KIAA0513: variants seen among roughly 807,000 people sequenced by gnomAD.
The protein encoded by KIAA0513 is KIAA0513, also known as uncharacterized protein KIAA0513.
Under a neutral mutation model 56.5 loss-of-function variants are expected in KIAA0513, and 39 were observed. The observed-to-expected ratio is 0.69, with a 90% CI of 0.53 to 0.90. The LOEUF (loss-of-function observed/expected upper bound fraction) is 0.90. KIAA0513 is among the 40% of genes least tolerant of loss of function. KIAA0513 has a pLI of 0.00. For synonymous variants in KIAA0513, 268 were observed against 215.6 expected, an observed-to-expected ratio of 1.24 and a Z score of -2.13; for missense variants, 591 against 535.2, an observed-to-expected ratio of 1.10 and a Z score of -1.03.
chr16:85,080,671 A>G (rs971558246), intron 8 of KIAA0513, among the ~76,000 whole-genome samples: 1 of 152,112 alleles, frequency 6.6e-6, no homozygotes, highest in Non-Finnish European at 1.5e-5. Flanking sequence ...GCGCATGCCT[A>G]TAATCCCAGC....
chr16:85,052,344 C>G (rs62049860), intron 1 of KIAA0513, among the ~76,000 whole-genome samples: 2 of 131,854 alleles, frequency 1.5e-5, no homozygotes, highest in Non-Finnish European at 1.6e-5. Flanking sequence ...ACAACAACAA[C>G]AATAGCAACA....
intron 1 of KIAA0513, among the ~76,000 whole-genome samples, chr16:85,028,130 G>A (rs1234339305): frequency 6.6e-6 from 1 of 152,222 alleles, no homozygotes; most frequent in East Asian, 1.9e-4. Flanking sequence ...CGGGCGGAGG[G>A]GCAGTGCGGA....
chr16:85,060,905 G>C (rs964720782), intron 1 of KIAA0513, among the ~76,000 whole-genome samples: 1 of 151,250 alleles, frequency 6.6e-6, no homozygotes, highest in Non-Finnish European at 1.5e-5. Context: ...TGTAATCCTA[G>C]CACTTTGGGA....
At chr16:85,033,462 A>G (rs2072994106) in intron 1 of KIAA0513, among the ~76,000 whole-genome samples, 2 of 152,228 alleles carry the variant, frequency 1.3e-5, no homozygotes, top group African/African-American at 4.8e-5. Flanking sequence ...GCAGTGAAAT[A>G]AATGGCGCGG....
chr16:85,064,017 T>TA (rs1229093065), intron 1 of KIAA0513, among the ~76,000 whole-genome samples: 1 of 149,464 alleles, frequency 6.7e-6, no homozygotes, highest in Non-Finnish European at 1.5e-5. Flanking sequence ...TTTTTTTTTT[T>TA]TTTTTTGAGG....
At chr16:85,058,351 T>A (rs13335706) in intron 1 of KIAA0513, among the ~76,000 whole-genome samples, 22,796 of 152,112 alleles carry the variant, frequency 0.15, 3,020 homozygotes, top group African/African-American at 0.36. Flanking sequence ...TTTGAGAGTC[T>A]TTTAAAGAAA....
intron 6 of KIAA0513, among the ~76,000 whole-genome samples, 200 bp downstream of exon 6, chr16:85,077,832 TG>T (rs2073681544): frequency 6.6e-6 from 1 of 152,130 alleles, no homozygotes; most frequent in Non-Finnish European, 1.5e-5. Context: ...GGGATGTCCC[TG>T]GGGGCCACAC....
Position 85,077,637 on chromosome 16 carries a change from G to C in KIAA0513, c.782+5G>C. The C allele has an allele frequency of 1.2e-6, 2 of 1,600,580 alleles. No individual in the cohort carries two copies. Among genetic ancestry groups the C allele is most frequent in the South Asian group, 1.1e-5 (1 of 89,476 alleles). On this transcript the variant is annotated splice_donor_5th_base_variant and intron_variant, in intron 6 of 12. Coordinates refer to ENST00000683363, the MANE Select transcript of KIAA0513 (RefSeq NM_001388359.1). ...GCCCCTGGCCAGGAGGAACGAGTAC[G>C]TGTGGCCTTGGGGTCCCTCCCACCT...
rs1403379227 is a variant in KIAA0513 at position 85,071,669 on chromosome 16, G to C, written c.330-114G>C. On this transcript the variant is annotated intron_variant, in intron 2 of 12. Transcript: ENST00000683363. The stretch of plus-strand genomic sequence containing the variant: ...GATGAGCTGATGGGAGTTGGGGTCT[G>C]TGCTTGGCTGGGGAATATTTCGTTA... The C allele has an allele frequency of 4.7e-6, 4 of 843,958 alleles. No homozygotes were observed. In the African/African-American group the frequency reaches 6.9e-5, roughly 15 times the overall value. 52.3% of individuals were successfully genotyped at this position (843,958 alleles called of 1,614,324 possible).
At chr16:85,063,707 A>G (rs778367159) in intron 1 of KIAA0513, 1 of 152,148 alleles carries the variant, frequency 6.6e-6, no homozygotes, top group African/African-American at 2.4e-5. Flanking sequence ...ATAATGAACA[A>G]AATGAAAGAG....
At chr16:85,085,849 A>C (rs528987793) in intron 10 of KIAA0513, among the ~76,000 whole-genome samples, 2 of 152,204 alleles carry the variant, frequency 1.3e-5, no homozygotes, top group African/African-American at 4.8e-5. Flanking sequence ...AGCTCGTGCA[A>C]ACCTCGGCCG....
chr16:85,081,213 A>G lies in KIAA0513; in HGVS notation c.903-102A>G. 1 of 1,028,294 alleles carries G rather than the reference A, an allele frequency of 9.7e-7. No homozygotes were observed. Among genetic ancestry groups the G allele is most frequent in the Non-Finnish European group, 1.5e-6 (1 of 653,300 alleles). 63.7% of individuals were successfully genotyped at this position (1,028,294 alleles called of 1,614,324 possible). A position where few individuals can be genotyped will look rare whatever the true frequency, so the allele number is the denominator to read the frequency against. The stretch of plus-strand genomic sequence containing the variant: ...TCTCTGAGACTTCTTAGAAGCTCAG[A>G]CAGATGTGAGACACTGCCCTTGTTT... On this transcript the variant is annotated intron_variant, in intron 8 of 12. Transcript: ENST00000683363. The surrounding 1 kb of genome is among the most constrained non-coding windows in gnomAD (Gnocchi z 4.4).
chr16:85,048,149 C>T (rs1018198181), intron 1 of KIAA0513, among the ~76,000 whole-genome samples: 2 of 152,162 alleles, frequency 1.3e-5, no homozygotes, highest in African/African-American at 2.4e-5. Context: ...TGAGCAGAAG[C>T]GCCTGATATG....
rs2073655605 is a variant in KIAA0513, at chr16:85,076,361, A to G, written c.574+447A>G. 1.3e-5 allele frequency among the ~76,000 whole-genome samples: 2 copies of G among 152,122 alleles called. No individual in the cohort carries two copies. Among genetic ancestry groups the G allele is most frequent in the South Asian group, 2.1e-4 (1 of 4,820 alleles). On this transcript the variant is annotated intron_variant, in intron 5 of 12. Transcript: ENST00000683363. The surrounding 1 kb of genome is among the most constrained non-coding windows in gnomAD (Gnocchi z 4.7). The stretch of plus-strand genomic sequence containing the variant: ...GAGAGTTCCCAGGGATGGGCTGGAG[A>G]TGGCTTATGAGGAGTGCGGACTGTG...
chr16:85,071,478 G>C (rs1470903947), intron 2 of KIAA0513, among the ~76,000 whole-genome samples: 2 of 152,228 alleles, frequency 1.3e-5, no homozygotes, highest in Non-Finnish European at 2.9e-5. Context: ...GACCTCCCCA[G>C]GCAGGGGTCA....
In KIAA0513 at chr16:85,076,662, G is replaced by A. The variant is rs542316646; in HGVS notation, c.574+748G>A. On this transcript the variant is annotated intron_variant, in intron 5 of 12. Coordinates refer to ENST00000683363, the MANE Select transcript of KIAA0513 (RefSeq NM_001388359.1). This position sits in a 1 kb window ranked among gnomAD's most constrained non-coding sequence, Gnocchi z 4.7. ...TCCCCCTCCCACAGCCATCCTCTCC[G>A]CACCCCTCAGTTCAGTTGGTCCAAC... is the stretch of plus-strand genomic sequence containing the variant. 5.9e-5 allele frequency among the ~76,000 whole-genome samples: 9 copies of A among 152,106 alleles called. No homozygotes were observed. Among genetic ancestry groups the A allele is most frequent in the African/African-American group, 1.4e-4 (6 of 41,488 alleles).
chr16:85,072,784 C>A, intron 3 of KIAA0513, 141 bp from the exon 4 acceptor site: 1 of 782,390 alleles, frequency 1.3e-6, no homozygotes, highest in East Asian at 2.6e-5. Context: ...GGGGTGGGTT[C>A]TATAGTGCAG....
intron 2 of KIAA0513, among the ~76,000 whole-genome samples, chr16:85,068,607 C>T (rs929920673): frequency 6.6e-5 from 10 of 152,110 alleles, no homozygotes; most frequent in African/African-American, 1.9e-4. Flanking sequence ...GCTGAGATTA[C>T]AGGTGTGAGC....
chr16:85,037,726 A>G (rs1019457276), intron 1 of KIAA0513, among the ~76,000 whole-genome samples: 3 of 152,220 alleles, frequency 2.0e-5, no homozygotes, highest in Non-Finnish European at 2.9e-5. Context: ...ACACTTTATG[A>G]GTCTGCTCTT....
Sources: gnomAD v4.1 joint callset for allele counts (sites outside exome capture counted in the v4.1 genomes callset) on GRCh38, gnomAD v4.1.1 for gene constraint, Gnocchi (gnomAD v3.1) non-coding constraint, MANE v1.5 for transcripts, NCBI Gene and HGNC (gene_info 2026-07-23, HGNC 2026-07-21) for gene names.